NRG3: variants seen among roughly 807,000 people sequenced by gnomAD.
NRG3 encodes neuregulin 3.
Under a neutral mutation model 66.9 loss-of-function variants are expected in NRG3, and 31 were observed. That is an observed-to-expected ratio of 0.46 (90% confidence interval 0.35 to 0.63). The LOEUF (loss-of-function observed/expected upper bound fraction) is 0.63, where lower values mean the gene tolerates loss of function less well. Ranked by LOEUF, NRG3 falls within the 20% of genes least tolerant of loss-of-function variation. NRG3 has a pLI of 0.00. For synonymous variants in NRG3, 393 were observed against 359.4 expected, an observed-to-expected ratio of 1.09 and a Z score of -1.06; for missense variants, 910 against 878.9, an observed-to-expected ratio of 1.04 and a Z score of -0.45.
At chr10:82,802,964 C>T (rs915700858) in intron 3 of NRG3, among the ~76,000 whole-genome samples, 4 of 152,144 alleles carry the variant, frequency 2.6e-5, no homozygotes, top group African/African-American at 9.7e-5. Context: ...GTAAACATCG[C>T]ACCCAGCCTC....
chr10:82,767,183 T>C (rs545406922), intron 3 of NRG3, among the ~76,000 whole-genome samples: 1 of 152,084 alleles, frequency 6.6e-6, no homozygotes, highest in Admixed American at 6.6e-5. Context: ...CCTCCAATAC[T>C]CACAGTGACC....
chr10:82,103,295 T>A (rs1196891085), intron 1 of NRG3, among the ~76,000 whole-genome samples: 1 of 152,202 alleles, frequency 6.6e-6, no homozygotes, highest in Non-Finnish European at 1.5e-5. Context: ...TTGTATAGAA[T>A]CTATTCTTTG....
At chr10:82,951,159 C>T (rs1400337313) in intron 4 of NRG3, among the ~76,000 whole-genome samples, 2 of 152,178 alleles carry the variant, frequency 1.3e-5, no homozygotes, top group African/African-American at 4.8e-5. Context: ...GGCCTTACCA[C>T]AATTTCACAG....
chr10:81,877,243 T>A (rs1027712416), intron 1 of NRG3, among the ~76,000 whole-genome samples: 1 of 152,180 alleles, frequency 6.6e-6, no homozygotes, highest in Non-Finnish European at 1.5e-5. Context: ...CCCCACCTTG[T>A]TCTTATTCAA....
At chr10:82,618,325 C>T (rs1011486377) in intron 2 of NRG3, among the ~76,000 whole-genome samples, 7 of 151,062 alleles carry the variant, frequency 4.6e-5, no homozygotes, top group East Asian at 1.9e-4. Flanking sequence ...GGCAGGGAGA[C>T]GGGGGGGAAT....
intron 3 of NRG3, among the ~76,000 whole-genome samples, chr10:82,795,398 A>G (rs904721714): frequency 6.6e-6 from 1 of 152,160 alleles, no homozygotes; most frequent in Non-Finnish European, 1.5e-5. Flanking sequence ...AAAAAGCTTT[A>G]TTCATTTGGA....
At chr10:82,576,538 T>C (rs569500415) in intron 2 of NRG3, among the ~76,000 whole-genome samples, 39 of 151,846 alleles carry the variant, frequency 2.6e-4, no homozygotes, top group Middle Eastern at 3.4e-3. Context: ...GGCTGTCACA[T>C]TGAAATATGT....
chr10:82,352,889 T>G (rs2083522188), intron 1 of NRG3, among the ~76,000 whole-genome samples: 1 of 152,056 alleles, frequency 6.6e-6, no homozygotes, highest in African/African-American at 2.4e-5. Flanking sequence ...ATGTGGTTTT[T>G]TTTTTTTTTT....
intron 1 of NRG3, among the ~76,000 whole-genome samples, chr10:81,934,939 A>G (rs1037954254): frequency 1.3e-5 from 2 of 152,234 alleles, no homozygotes; most frequent in Non-Finnish European, 2.9e-5. Context: ...TTAACTGCTG[A>G]CACTAAGAGG....
At chr10:82,847,258 ACT>A (rs1234671608) in intron 3 of NRG3, among the ~76,000 whole-genome samples, 1 of 152,210 alleles carries the variant, frequency 6.6e-6, no homozygotes, top group Non-Finnish European at 1.5e-5. Flanking sequence ...ATAAAACAGC[ACT>A]GTGTCACATG....
At chr10:82,407,315 G>A (rs745382598) in intron 2 of NRG3, among the ~76,000 whole-genome samples, 26 of 151,862 alleles carry the variant, frequency 1.7e-4, no homozygotes, top group Non-Finnish European at 3.4e-4. Flanking sequence ...GCCTTCAACA[G>A]GAATTCTCTT....
intron 4 of NRG3, among the ~76,000 whole-genome samples, chr10:82,886,814 C>G (rs1477941465): frequency 6.6e-6 from 1 of 152,200 alleles, no homozygotes; most frequent in Non-Finnish European, 1.5e-5. Flanking sequence ...ATCATTTCAC[C>G]TTTACTGCTT....
chr10:82,399,308 T>G (rs1415991275), intron 2 of NRG3, among the ~76,000 whole-genome samples: 1 of 152,170 alleles, frequency 6.6e-6, no homozygotes, highest in African/African-American at 2.4e-5. Context: ...AGGGCACATG[T>G]AAATAAATAA....
intron 1 of NRG3, among the ~76,000 whole-genome samples, chr10:82,098,158 T>G (rs557033560): frequency 6.6e-6 from 1 of 151,268 alleles, no homozygotes; most frequent in African/African-American, 2.5e-5. Flanking sequence ...ATGTCATGTA[T>G]GTATATGTCA....
At chr10:82,971,458 A>G (rs901851932) in intron 6 of NRG3, among the ~76,000 whole-genome samples, 1 of 138,728 alleles carries the variant, frequency 7.2e-6, no homozygotes, top group Non-Finnish European at 1.5e-5. Flanking sequence ...TTTTTTTGAT[A>G]CAGAGTTTTA....
At position 82,336,161 on chromosome 10, in the gene NRG3, G is replaced by A. The variant is rs778669647; in HGVS notation, c.824-22578G>A. Reference sequence around the variant, plus strand: ...AAATCTGATTCTTTGTGAAGGGTTCGCCAGGGAGGATGGGCAAAAGCTCAT... The same window carrying A: ...AAATCTGATTCTTTGTGAAGGGTTCACCAGGGAGGATGGGCAAAAGCTCAT... On this transcript the variant is annotated intron_variant, in intron 1 of 8. Transcript: ENST00000372141. Among the ~76,000 whole-genome samples the A allele has an allele frequency of 3.9e-5, 6 of 152,006 alleles. No homozygotes were observed. The South Asian group carries it at 6.2e-4, about 16-fold the overall frequency.
At chr10:82,889,017 G>A (rs1374099509) in intron 4 of NRG3, among the ~76,000 whole-genome samples, 2 of 152,126 alleles carry the variant, frequency 1.3e-5, no homozygotes, top group Non-Finnish European at 2.9e-5. Context: ...GACCCAGATC[G>A]GGAAGGTCCT....
At chr10:82,425,197 T>A (rs1031406220) in intron 2 of NRG3, among the ~76,000 whole-genome samples, 9 of 152,226 alleles carry the variant, frequency 5.9e-5, no homozygotes, top group Admixed American at 5.9e-4. Flanking sequence ...GGGGTTACAG[T>A]AGGGATCACA....
chr10:82,717,505 T>G (rs2057048058), intron 2 of NRG3, among the ~76,000 whole-genome samples: 1 of 144,074 alleles, frequency 6.9e-6, no homozygotes, highest in Admixed American at 7.1e-5. Context: ...GTTCACGCCA[T>G]CCTCCTGCCT....
Sources: gnomAD v4.1 joint callset for allele counts (sites outside exome capture counted in the v4.1 genomes callset) on GRCh38, gnomAD v4.1.1 for gene constraint, MANE v1.5 for transcripts, NCBI Gene and HGNC (gene_info 2026-07-23, HGNC 2026-07-21) for gene names.